Variants in BICDL2 observed in about 807,000 individuals in gnomAD.
BICDL2 encodes BICD family-like cargo adapter 2.
BICDL2 carries 62 observed loss-of-function variants against 56.6 expected under a neutral mutation model. The ratio of observed to expected loss-of-function variants is 1.10; its 90% CI spans 0.89 to 1.35. The LOEUF (loss-of-function observed/expected upper bound fraction) is 1.35, where lower values mean the gene tolerates loss of function less well. Ranked by LOEUF, BICDL2 falls within the 40% of genes most tolerant of loss-of-function variation. BICDL2 has a pLI of 0.00. For synonymous variants in BICDL2, 358 were observed against 319.8 expected (o/e 1.12, Z -1.27); for missense variants, 808 against 684.5 (o/e 1.18, Z -2.01).
chr16:3,032,328 G>A (rs1036549587), intron 2 of BICDL2: 1 of 152,276 alleles, frequency 6.6e-6, no homozygotes, highest in African/African-American at 2.4e-5. Flanking sequence ...GGATTAAGCT[G>A]TCAGGTTCAA....
At position 3,028,414 on chromosome 16, in the gene BICDL2, C is replaced by T; in HGVS notation, c.1293G>A (p.Leu431=). The part of the protein sequence containing the change: ...LNRVSLERDS[L]SRELLRAIRQ... ...GGATGGCGCGCAGCAGCTCCCGAGA[C>T]AGGGAGTCTCGCTCCAGCGAGACGC... The change falls in exon 9 of 10, where the codon CTG becomes CTA. Residue 431 remains leucine, a synonymous_variant. Coordinates refer to ENST00000572449, the MANE Select transcript of BICDL2 (RefSeq NM_001369667.1). The T allele has an allele frequency of 1.3e-6, 2 of 1,557,876 alleles. No individual in the cohort carries two copies. The highest frequency in any genetic ancestry group is 1.7e-6 in the Non-Finnish European group (2 of 1,160,428).
Position 3,028,150 on chromosome 16 carries a change from CG to C in BICDL2, c.1482del (p.Ala497ProfsTer46). 2.8e-6 allele frequency: 4 copies of C among 1,441,438 alleles called. No homozygotes were observed. Among genetic ancestry groups the C allele is most frequent in the East Asian group, 2.8e-5 (1 of 35,446 alleles). 89.3% of individuals were successfully genotyped at this position (1,441,438 alleles called of 1,614,324 possible). ...TTACTGAGAAAGCCACCGGCGGGCC[CG>C]GGGCCCAGGCGCAGCGAGAAGCGGG... ...AAPRFSLRLG[P>X]GPAGGFLSNL... On this transcript the variant is annotated frameshift_variant, in exon 10 of 10. Transcript: ENST00000572449. LOFTEE classifies it high-confidence loss of function.
At chr16:3,033,950 G>A (rs1050142621) in intron 2 of BICDL2, among the ~76,000 whole-genome samples, 1 of 152,144 alleles carries the variant, frequency 6.6e-6, no homozygotes, top group South Asian at 2.1e-4. Context: ...GTGGCCTGGT[G>A]GAGAGGGTTA....
chr16:3,029,576 C>T lies in BICDL2; in HGVS notation c.926G>A (p.Gly309Asp). The T allele has an allele frequency of 6.5e-7, 1 of 1,545,472 alleles. No homozygotes were observed. The highest frequency in any genetic ancestry group is 8.7e-7 in the Non-Finnish European group (1 of 1,149,650). The change falls in exon 6 of 10, where the codon GGC becomes GAC. Residue 309 changes from glycine (G) to aspartate (D), a missense_variant. Transcript: ENST00000572449. ...LAHSLDDGDQ[G>D]QGADAPGDTP... is the part of the protein sequence containing the mutation. ...GTCTCCGGGTGCGTCGGCGCCCTGG[C>T]CCTGGTCGCCGTCGTCGAGGCTGTG...
Position 3,028,527 on chromosome 16 carries a change from T to C in BICDL2, c.1239-59A>G, listed in dbSNP as rs541987270. 33 of 1,551,464 alleles carry C rather than the reference T, an allele frequency of 2.1e-5. No individual in the cohort carries two copies. The African/African-American group carries it at 4.0e-4, about 19-fold the overall frequency. On this transcript the variant is annotated intron_variant, in intron 8 of 9. Transcript: ENST00000572449. ...GCGCTAGGGCCTCAGGGAGCCGGGG[T>C]GGCGGGGGACTTCTGTACCCGGGCG...
At chr16:3,036,774 C>T (rs1180289244) in intron 1 of BICDL2, 120 bp downstream of exon 1, 1 of 357,586 alleles carries the variant, frequency 2.8e-6, no homozygotes, top group Non-Finnish European at 5.4e-6. Context: ...CCCCCGGTTC[C>T]CCGGCGATCC....
At chr16:3,035,578 A>C in intron 1 of BICDL2, 52 bp from the exon 2 acceptor site, 1 of 1,466,822 alleles carries the variant, frequency 6.8e-7, no homozygotes. Flanking sequence ...TCCGCCCAGC[A>C]CCTGGCCCTC....
Position 3,028,466 on chromosome 16 carries a change from G to A in BICDL2, c.1241C>T (p.Ala414Val). Residue 414 changes from alanine to valine, a missense_variant and splice_region_variant, in exon 9 of 10, where the codon GCC becomes GTC. By Grantham distance (64) the Ala-to-Val change is moderately conservative. Transcript: ENST00000572449. ...GTTGAGCTGCAGGGACAGCTCCAGG[G>A]CCCTAGGCGGGCAGGAGCAGAAGAC... ...LSDRDEAVNK[A>V]LELSLQLNRV... 6.4e-7 allele frequency: 1 copy of A among 1,571,886 alleles called. No individual in the cohort carries two copies. Among genetic ancestry groups the A allele is most frequent in the African/African-American group, 1.3e-5 (1 of 74,422 alleles).
At position 3,030,540 on chromosome 16, in the gene BICDL2, C is replaced by T. The variant is rs765320144; in HGVS notation, c.671G>A (p.Arg224His). 2.5e-6 allele frequency: 4 copies of T among 1,599,728 alleles called. No individual in the cohort carries two copies. Among genetic ancestry groups the T allele is most frequent in the South Asian group, 2.2e-5 (2 of 89,808 alleles). Residue 224 changes from arginine (R) to histidine (H), a missense_variant, in exon 5 of 10, where the codon CGT (arginine) becomes CAT (histidine). Coordinates refer to ENST00000572449, the MANE Select transcript of BICDL2 (RefSeq NM_001369667.1). ...GCCCTCACCCTTCTCCACCTCCTCA[C>T]GCAGGCCTCGGATCTGGGCCTCCAG... is the stretch of plus-strand genomic sequence containing the variant. ...QDLEAQIRGLREEVEKGEGRL... is the reference protein window; with the variant it reads ...QDLEAQIRGLHEEVEKGEGRL...
chr16:3,028,319 C>T lies in BICDL2; in HGVS notation c.1359+29G>A, dbSNP rs569504442. ...CTCAGCGCCGGTCCCGCCCCTTGCC[C>T]CGCCCCGCACACGGGCCCCGCCCCT... is the stretch of plus-strand genomic sequence containing the variant. On this transcript the variant is annotated intron_variant, in intron 9 of 9. Transcript: ENST00000572449. 992 of 1,542,320 alleles carry T rather than the reference C, an allele frequency of 6.4e-4. 15 individuals are homozygous for T. In the South Asian group the frequency reaches 9.7e-3, roughly 15 times the overall value.
intron 1 of BICDL2, 60 bp from the exon 2 acceptor site, chr16:3,035,586 C>T: frequency 6.9e-7 from 1 of 1,439,228 alleles, no homozygotes; most frequent in Non-Finnish European, 9.2e-7. Flanking sequence ...GCACCTGGCC[C>T]TCCAGGAATT....
At chr16:3,034,693 C>T (rs1191344814) in intron 2 of BICDL2, among the ~76,000 whole-genome samples, 1 of 107,688 alleles carries the variant, frequency 9.3e-6, no homozygotes, top group Non-Finnish European at 2.0e-5. Flanking sequence ...TCCTTCCTTC[C>T]CCTTCCTTCC....
At chr16:3,034,658 CTCCTTCCTTCCTTCCTTCCT>C (rs113820545) in intron 2 of BICDL2, among the ~76,000 whole-genome samples, 3 of 128,880 alleles carry the variant, frequency 2.3e-5, no homozygotes, top group South Asian at 2.6e-4. Flanking sequence ...TTCTTTCTCT[CTCCTTCCTTCCTTCCTTCCT>C]TCCTTCCTTC....
chr16:3,028,088 G>A lies in BICDL2; in HGVS notation c.*18C>T. 1.4e-6 allele frequency: 2 copies of A among 1,406,940 alleles called. No homozygotes were observed. Among genetic ancestry groups the A allele is most frequent in the Non-Finnish European group, 1.8e-6 (2 of 1,082,814 alleles). The allele number at this position is 1,406,940 out of a possible 1,614,324, so 87.2% of individuals were successfully genotyped here. A position where few individuals can be genotyped will look rare whatever the true frequency, so the allele number is the denominator to read the frequency against. On this transcript the variant is annotated 3_prime_UTR_variant, in exon 10 of 10. Transcript: ENST00000572449. ...GTGAGCCCCTAAGTGGGCAAGGGCA[G>A]CCCTCTGGGCCCAGCCGTCAGGTCC...
rs1336980681 is a variant in BICDL2, at chr16:3,030,798, C to T, written c.513G>A (p.Glu171=). The change falls in exon 4 of 10, where the codon GAG becomes GAA. Residue 171 remains glutamate (E), a synonymous_variant. Coordinates refer to ENST00000572449, the MANE Select transcript of BICDL2 (RefSeq NM_001369667.1). ...SQQLAQASQT[E]QELQRELDAL... ...CGTCCAGTTCCCTCTGAAGTTCCTG[C>T]TCAGTCTGGGAGGCCTGGGGAGGTG... 6.2e-7 allele frequency: 1 copy of T among 1,610,346 alleles called. No individual in the cohort carries two copies. Among genetic ancestry groups the T allele is most frequent in the Non-Finnish European group, 8.5e-7 (1 of 1,179,002 alleles).
rs527831519 is a variant in BICDL2 at position 3,030,907 on chromosome 16, C to T, written c.498+28G>A. 20 of 1,544,484 alleles carry T rather than the reference C, an allele frequency of 1.3e-5. 1 individual carries two copies. The South Asian group carries it at 2.4e-4, about 18-fold the overall frequency. ...CCCAGGCATCCTCCCCAACCTTGTC[C>T]AGGGCCCTGGGGTCAGGGCCATCCC... On this transcript the variant is annotated intron_variant, in intron 3 of 9. Coordinates refer to ENST00000572449, the MANE Select transcript of BICDL2 (RefSeq NM_001369667.1).
chr16:3,030,833 A>G (rs1389979248), intron 3 of BICDL2, 21 bp from the exon 4 acceptor site: 1 of 1,590,284 alleles, frequency 6.3e-7, no homozygotes, highest in African/African-American at 1.3e-5. Flanking sequence ...GGAAAGAGGG[A>G]CAGAGGAGCC....
At chr16:3,031,771 C>T (rs528378094) in intron 2 of BICDL2, 21 of 381,194 alleles carry the variant, frequency 5.5e-5, no homozygotes, top group Middle Eastern at 6.5e-4. Flanking sequence ...GCTGCTGCAG[C>T]GACTCGCAGG....
Position 3,035,602 on chromosome 16 carries a change from C to G in BICDL2, c.-30-76G>C, listed in dbSNP as rs1013615557. 7.4e-6 allele frequency: 10 copies of G among 1,345,962 alleles called. No individual in the cohort carries two copies. In the African/African-American group the frequency reaches 1.3e-4, roughly 18 times the overall value. The allele number at this position is 1,345,962 out of a possible 1,614,324, so 83.4% of individuals were successfully genotyped here. On this transcript the variant is annotated intron_variant, in intron 1 of 9. Transcript: ENST00000572449. The stretch of plus-strand genomic sequence containing the variant: ...CACCTGGCCCTCCAGGAATTCTCCA[C>G]CTGCTGCCAGCCTGCCCGGTCCTGC...
Sources: gnomAD v4.1 joint callset for allele counts (sites outside exome capture counted in the v4.1 genomes callset) on GRCh38, gnomAD v4.1.1 for gene constraint, MANE v1.5 for transcripts, NCBI Gene and HGNC (gene_info 2026-07-23, HGNC 2026-07-21) for gene names.